The following PCGF5 variants were observed in gnomAD, a reference collection of about 807,000 sequenced individuals.
The protein encoded by PCGF5 is polycomb group RING finger protein 5.
In PCGF5, 9 loss-of-function variants were observed where a neutral mutation model predicts 44.3. That is an observed-to-expected ratio of 0.20 (90% confidence interval 0.12 to 0.35). The LOEUF is 0.35. Among genes scored for constraint, PCGF5 ranks in the 10% least tolerant of loss-of-function variants. PCGF5 has a pLI of 1.00. For missense variants in PCGF5, 146 were observed against 305.3 expected, an observed-to-expected ratio of 0.48 and a Z score of 3.89; for synonymous variants, 95 against 102.5, an observed-to-expected ratio of 0.93 and a Z score of 0.44.
At chr10:91,219,528 A>G (rs1480253554), upstream of PCGF5, among the ~76,000 whole-genome samples, 1 of 152,198 alleles carries the variant, frequency 6.6e-6, no homozygotes, top group East Asian at 1.9e-4. Flanking sequence ...GAGTAATCCT[A>G]CTGCCATGAA....
intron 6 of PCGF5, among the ~76,000 whole-genome samples, 159 bp from the exon 7 acceptor site, chr10:91,261,167 A>G (rs1845899798): frequency 6.6e-6 from 1 of 152,104 alleles, no homozygotes; most frequent in African/African-American, 2.4e-5. Flanking sequence ...GAATATTTTT[A>G]CTCGCAAATA....
At chr10:91,272,165 G>T (rs997252420) in intron 9 of PCGF5, among the ~76,000 whole-genome samples, 4 of 152,178 alleles carry the variant, frequency 2.6e-5, no homozygotes, top group African/African-American at 7.2e-5. Flanking sequence ...CTTTAAAAAT[G>T]ATAGTGAGCT....
intron 4 of PCGF5, 46 bp downstream of exon 4, chr10:91,248,606 T>A (rs1433663179): frequency 6.2e-7 from 1 of 1,601,294 alleles, no homozygotes; most frequent in African/African-American, 1.3e-5. Flanking sequence ...TTTTATGAAA[T>A]CAACACTTCT....
intron 5 of PCGF5, among the ~76,000 whole-genome samples, chr10:91,249,157 T>A (rs1429504446): frequency 6.6e-6 from 1 of 151,792 alleles, no homozygotes; most frequent in Non-Finnish European, 1.5e-5. Flanking sequence ...TTTACTATGC[T>A]CTGATATTCT....
At chr10:91,271,287 TC>T (rs1177628240) in intron 8 of PCGF5, among the ~76,000 whole-genome samples, 1 of 152,078 alleles carries the variant, frequency 6.6e-6, no homozygotes, top group African/African-American at 2.4e-5. Flanking sequence ...GAGACAGTGA[TC>T]AGAGGAAGGG....
At chr10:91,187,060 T>G (rs1339774123) in intron 1 of PCGF5, among the ~76,000 whole-genome samples, 3 of 152,196 alleles carry the variant, frequency 2.0e-5, no homozygotes, top group Non-Finnish European at 4.4e-5. Context: ...CATTTCTGAG[T>G]TTCCCAGGAG....
At chr10:91,175,571 T>A (rs1214795518) in intron 1 of PCGF5, among the ~76,000 whole-genome samples, 1 of 152,210 alleles carries the variant, frequency 6.6e-6, no homozygotes, top group African/African-American at 2.4e-5. Context: ...TGCAGTCAGC[T>A]TTTTGATGCT....
chr10:91,255,857 T>A (rs149960658), intron 6 of PCGF5, among the ~76,000 whole-genome samples: 2 of 152,234 alleles, frequency 1.3e-5, no homozygotes, highest in East Asian at 3.9e-4. Context: ...GTCCCTTATA[T>A]AAAATGGTGT....
intron 1 of PCGF5, among the ~76,000 whole-genome samples, chr10:91,202,938 T>G (rs935799690): frequency 2.0e-5 from 3 of 152,226 alleles, no homozygotes; most frequent in African/African-American, 7.2e-5. Context: ...TAAAGAAATG[T>G]GTTTGTGAAA....
At chr10:91,223,767 A>G (rs1166474673) in intron 2 of PCGF5, among the ~76,000 whole-genome samples, 1 of 152,178 alleles carries the variant, frequency 6.6e-6, no homozygotes, top group East Asian at 1.9e-4. Context: ...TTAGCTTTAC[A>G]ATGACCTGGG....
At chr10:91,218,701 C>G (rs78010402), upstream of PCGF5, among the ~76,000 whole-genome samples, 1 of 152,004 alleles carries the variant, frequency 6.6e-6, no homozygotes, top group African/African-American at 2.4e-5. Context: ...GGTGCGATCT[C>G]GGCTCACTGC....
intron 5 of PCGF5, among the ~76,000 whole-genome samples, chr10:91,249,371 GTATATATATATATATATA>G (rs3074316): frequency 0.32 from 39,112 of 120,406 alleles, 6,575 homozygotes; most frequent in Middle Eastern, 0.38. Context: ...GGCTTTTAGT[GTATATATATATATATATA>G]TATATATATA....
At chr10:91,256,498 G>A (rs1252986990) in intron 6 of PCGF5, among the ~76,000 whole-genome samples, 2 of 151,858 alleles carry the variant, frequency 1.3e-5, no homozygotes, top group African/African-American at 4.8e-5. Context: ...AGAAGGAGAG[G>A]AAATGGAGAA....
chr10:91,260,657 G>T (rs370533943), intron 6 of PCGF5, among the ~76,000 whole-genome samples: 1 of 152,124 alleles, frequency 6.6e-6, no homozygotes, highest in Non-Finnish European at 1.5e-5. Flanking sequence ...CGTGTCCTTT[G>T]TAGGGACATG....
chr10:91,212,828 T>G (rs1316552159), intron 1 of PCGF5, among the ~76,000 whole-genome samples: 1 of 152,220 alleles, frequency 6.6e-6, no homozygotes, highest in African/African-American at 2.4e-5. Flanking sequence ...ATTCATCTAT[T>G]GGGACGTTTG....
intron 2 of PCGF5, among the ~76,000 whole-genome samples, chr10:91,225,222 A>G (rs1307795742): frequency 6.8e-6 from 1 of 147,706 alleles, no homozygotes; most frequent in Non-Finnish European, 1.5e-5. Flanking sequence ...CATATATTTG[A>G]TATATATCAT....
intron 9 of PCGF5, among the ~76,000 whole-genome samples, chr10:91,275,068 T>C (rs886317109): frequency 3.9e-5 from 6 of 152,144 alleles, no homozygotes; most frequent in African/African-American, 1.2e-4. Flanking sequence ...CCTAAAAAAA[T>C]TGAATTGACT....
At chr10:91,191,400 C>A (rs371340689) in intron 1 of PCGF5, among the ~76,000 whole-genome samples, 2 of 152,226 alleles carry the variant, frequency 1.3e-5, no homozygotes, top group Non-Finnish European at 2.9e-5. Context: ...CAGAGAGGGA[C>A]CACATGAGAT....
intron 1 of PCGF5, among the ~76,000 whole-genome samples, chr10:91,167,885 A>G (rs1843527449): frequency 1.3e-5 from 2 of 152,214 alleles, no homozygotes; most frequent in Admixed American, 6.5e-5. Flanking sequence ...TGGGCAAGAT[A>G]CTATAGAAGT....
Sources: gnomAD v4.1 joint callset for allele counts (sites outside exome capture counted in the v4.1 genomes callset) on GRCh38, gnomAD v4.1.1 for gene constraint, MANE v1.5 for transcripts, NCBI Gene and HGNC (gene_info 2026-07-23, HGNC 2026-07-21) for gene names.